Variants in MED12L observed in about 807,000 individuals in gnomAD.
MED12L encodes the protein mediator complex subunit 12L.
A neutral mutation model predicts 281.3 loss-of-function variants in MED12L; 60 were observed. That is an observed-to-expected ratio of 0.21 (90% CI 0.17 to 0.26). The LOEUF (loss-of-function observed/expected upper bound fraction) is 0.26, where lower values mean the gene tolerates loss of function less well. Ranked by LOEUF, MED12L falls within the 10% of genes least tolerant of loss-of-function variation. The pLI is 1.00. For missense variants in MED12L, 2,146 were observed against 2,680.9 expected, an observed-to-expected ratio of 0.80 and a Z score of 4.41; for synonymous variants, 974 against 987.2, an observed-to-expected ratio of 0.99 and a Z score of 0.25.
intron 16 of MED12L, among the ~76,000 whole-genome samples, chr3:151,311,140 A>G (rs1264364327): frequency 2.0e-5 from 3 of 152,184 alleles, no homozygotes; most frequent in East Asian, 3.8e-4. Flanking sequence ...GCAATTTCAT[A>G]TAGACTGTAA....
At chr3:151,343,124 T>G (rs1331109244) in intron 16 of MED12L, among the ~76,000 whole-genome samples, 1 of 152,198 alleles carries the variant, frequency 6.6e-6, no homozygotes, top group Non-Finnish European at 1.5e-5. Flanking sequence ...GAATCTCGTG[T>G]GGGATGGTTG....
intron 43 of MED12L, among the ~76,000 whole-genome samples, chr3:151,421,352 CTT>C (rs898590290): frequency 3.9e-5 from 6 of 152,120 alleles, no homozygotes; most frequent in African/African-American, 1.4e-4. Context: ...CCCCAAATTT[CTT>C]TGTCACTAGT....
chr3:151,365,768 A>G (rs1271296946), intron 22 of MED12L, 82 bp from the exon 23 acceptor site: 2 of 1,214,632 alleles, frequency 1.6e-6, no homozygotes, highest in Non-Finnish European at 2.2e-6. Context: ...TGTTAGTGAA[A>G]TATATGTTAA....
At chr3:151,246,680 C>G (rs1735575722) in intron 16 of MED12L, among the ~76,000 whole-genome samples, 1 of 152,264 alleles carries the variant, frequency 6.6e-6, no homozygotes, top group South Asian at 2.1e-4. Flanking sequence ...AGAAGAAAAC[C>G]TAGGCATTAC....
At chr3:151,223,391 A>G (rs943537775) in intron 16 of MED12L, among the ~76,000 whole-genome samples, 2 of 152,186 alleles carry the variant, frequency 1.3e-5, no homozygotes, top group African/African-American at 4.8e-5. Context: ...ACCTTCATTC[A>G]CATGTTTATT....
At chr3:151,137,007 C>G (rs1430039929) in intron 5 of MED12L, among the ~76,000 whole-genome samples, 1 of 151,306 alleles carries the variant, frequency 6.6e-6, no homozygotes, top group Non-Finnish European at 1.5e-5. Flanking sequence ...ACTAAAAATA[C>G]AAAAATTAAC....
chr3:151,294,874 G>A lies in MED12L; in HGVS notation c.2251-55185G>A, dbSNP rs376047810. 3.2e-5 allele frequency: 51 copies of A among 1,613,850 alleles called. No homozygotes were observed. The African/African-American group carries it at 6.4e-4, about 20-fold the overall frequency. ...CAAGGAACACGATGGAAGTATACAT[G>A]TTTGCATAAAACAAAACTGAAGTGT... is the stretch of plus-strand genomic sequence containing the variant. On this transcript the variant is annotated intron_variant, in intron 16 of 44. Coordinates refer to ENST00000687756, the MANE Select transcript of MED12L (RefSeq NM_001393769.1).
intron 16 of MED12L, among the ~76,000 whole-genome samples, chr3:151,258,152 G>T (rs1738174690): frequency 6.6e-6 from 1 of 152,098 alleles, no homozygotes; most frequent in Non-Finnish European, 1.5e-5. Context: ...TCTTCCACAG[G>T]CCCAAAGTGG....
chr3:151,265,170 G>A (rs1739600571), intron 16 of MED12L, among the ~76,000 whole-genome samples: 1 of 152,208 alleles, frequency 6.6e-6, no homozygotes, highest in Admixed American at 6.5e-5. Flanking sequence ...CACAGTGGAA[G>A]TATTCAGTTA....
chr3:151,122,762 T>C, intron 3 of MED12L, 21 bp from the exon 4 acceptor site: 1 of 1,552,502 alleles, frequency 6.4e-7, no homozygotes, highest in Non-Finnish European at 8.7e-7. Flanking sequence ...AACTTTCCCT[T>C]TTTTTCTCTT....
intron 16 of MED12L, among the ~76,000 whole-genome samples, chr3:151,289,471 T>C (rs934308519): frequency 6.6e-6 from 1 of 152,214 alleles, no homozygotes; most frequent in Non-Finnish European, 1.5e-5. Flanking sequence ...TTTTGCAAAA[T>C]ACGTAGAGGT....
intron 30 of MED12L, 119 bp downstream of exon 30, chr3:151,377,297 A>C (rs1386315896): frequency 1.3e-6 from 1 of 748,082 alleles, no homozygotes; most frequent in East Asian, 2.7e-5. Flanking sequence ...AGTTACTTGT[A>C]AGCAGGGATT....
intron 13 of MED12L, among the ~76,000 whole-genome samples, chr3:151,189,172 A>G (rs1471905768): frequency 3.9e-5 from 6 of 152,202 alleles, no homozygotes; most frequent in Non-Finnish European, 8.8e-5. Flanking sequence ...GTTGGGGAGG[A>G]GGAAGATGCT....
intron 16 of MED12L, among the ~76,000 whole-genome samples, chr3:151,239,018 A>G (rs142061045): frequency 6.6e-6 from 1 of 152,226 alleles, no homozygotes; most frequent in Non-Finnish European, 1.5e-5. Flanking sequence ...CAAGCTTTCA[A>G]ACTGAAAGCA....
chr3:151,357,606 T>C (rs1754086159), intron 20 of MED12L, among the ~76,000 whole-genome samples: 1 of 152,158 alleles, frequency 6.6e-6, no homozygotes, highest in African/African-American at 2.4e-5. Flanking sequence ...CTTTCTTCCC[T>C]CTCCCTGGTT....
intron 5 of MED12L, among the ~76,000 whole-genome samples, chr3:151,149,563 G>A (rs191001299): frequency 6.6e-6 from 1 of 152,244 alleles, no homozygotes; most frequent in East Asian, 1.9e-4. Flanking sequence ...TGATCTAGGT[G>A]GTGGCTGCTG....
intron 16 of MED12L, among the ~76,000 whole-genome samples, chr3:151,274,174 A>T (rs910335515): frequency 6.6e-6 from 1 of 152,236 alleles, no homozygotes; most frequent in African/African-American, 2.4e-5. Flanking sequence ...TAAGCAATTA[A>T]TGTGCACTTT....
rs1328608787 is a variant in MED12L at position 151,436,163 on chromosome 3, G to T, written c.*3359G>T. The T allele has an allele frequency of 6.6e-6, 1 of 152,210 alleles. No individual in the cohort carries two copies. The highest frequency in any genetic ancestry group is 1.9e-4 in the East Asian group (1 of 5,200). 9.4% of individuals were successfully genotyped at this position (152,210 alleles called of 1,614,324 possible). Reference sequence around the variant, plus strand: ...TATTCCCCATCAATGAAAATTTTCAGTGTGAACAAATGGTGAATCATAAGA... The same window carrying T: ...TATTCCCCATCAATGAAAATTTTCATTGTGAACAAATGGTGAATCATAAGA... On this transcript the variant is annotated 3_prime_UTR_variant, in exon 45 of 45. Transcript: ENST00000687756.
At position 151,378,018 on chromosome 3, in the gene MED12L, C is replaced by T. The variant is rs541572659; in HGVS notation, c.4323C>T (p.Ser1441=). The T allele has an allele frequency of 8.8e-6, 14 of 1,597,292 alleles. No individual in the cohort carries two copies. The highest frequency in any genetic ancestry group is 2.3e-5 in the East Asian group (1 of 44,122). Residue 1441 remains serine (S), a synonymous_variant, in exon 31 of 45, where the codon TCC becomes TCT. Coordinates refer to ENST00000687756, the MANE Select transcript of MED12L (RefSeq NM_001393769.1). ...QNGIKTFLSS[S]ERRGVWLVAP... is the part of the protein sequence containing the mutation. ...CACCTGTTTCTGATTTTAGTTCCTC[C>T]GAACGCAGGGGTGTATGGTTGGTGG...
Sources: allele counts gnomAD v4.1 joint callset (sites outside exome capture counted in the v4.1 genomes callset), GRCh38; gene constraint gnomAD v4.1.1; transcripts MANE v1.5; gene names NCBI Gene and HGNC (gene_info 2026-07-23, HGNC 2026-07-21).